Variants in MKI67 observed in about 807,000 individuals in gnomAD.
MKI67 encodes proliferation marker protein Ki-67.
MKI67 carries 152 observed loss-of-function variants against 233.5 expected under a neutral mutation model. The ratio of observed to expected loss-of-function variants is 0.65; its 90% CI spans 0.57 to 0.74. MKI67 has a LOEUF of 0.74. Ranked by LOEUF, MKI67 falls within the 30% of genes least tolerant of loss-of-function variation. The probability of loss-of-function intolerance (pLI) is 0.00; values close to 1 mark genes in which losing one functional copy is unlikely to be tolerated. For synonymous variants in MKI67, 1,465 were observed against 1,418.5 expected (o/e 1.03, Z -0.74); for missense variants, 3,940 against 3,885.2 (o/e 1.01, Z -0.37).
Position 128,109,319 on chromosome 10 carries a change from C to A in MKI67, c.2521G>T (p.Val841Leu), listed in dbSNP as rs762194669. 4 of 1,614,144 alleles carry A rather than the reference C, an allele frequency of 2.5e-6. No individual in the cohort carries two copies. The East Asian group carries it at 8.9e-5, about 36-fold the overall frequency. ...RRQCIRENGN[V>L]AKTPRNTYKM... ...TAGGTGTTCCTGGGCGTTTTTGCTA[C>A]GTTTCCATTTTCTCTAATACACTGC... The change falls in exon 13 of 15, where the codon GTA (valine) becomes TTA (leucine). Residue 841 changes from valine to leucine, a missense_variant. By Grantham distance (32) the Val-to-Leu change is conservative (BLOSUM62 1). Transcript: ENST00000368654.
Position 128,107,329 on chromosome 10 carries a change from G to A in MKI67, c.4511C>T (p.Pro1504Leu). ...CRSQPDPVDT[P>L]TSSKPQSKRS... ...CTTGGACTGTGGCTTGGAGCTTGTT[G>A]GTGTGTCCACTGGGTCTGGTTGTGA... The change falls in exon 13 of 15, where the codon CCA becomes CTA. Residue 1504 changes from proline (P) to leucine (L), a missense_variant. Physicochemically the swap from Pro to Leu is moderately conservative, Grantham distance 98. Coordinates refer to ENST00000368654, the MANE Select transcript of MKI67 (RefSeq NM_002417.5). 1.2e-6 allele frequency: 2 copies of A among 1,613,990 alleles called. No individual in the cohort carries two copies. The highest frequency in any genetic ancestry group is 1.7e-6 in the Non-Finnish European group (2 of 1,180,018).
rs746492931 is a variant in MKI67, at chr10:128,101,577, G to T, written c.9386C>A (p.Pro3129Gln). The change falls in exon 14 of 15, where the codon CCA becomes CAA. Residue 3129 changes from proline (P) to glutamine (Q), a missense_variant. Coordinates refer to ENST00000368654, the MANE Select transcript of MKI67 (RefSeq NM_002417.5). ...ATCTGGATTCTGAATGTCCATCTCT[G>T]GGGAGGTCTTCATGGGCTTCTTTTC... ...RNEKKPMKTS[P>Q]EMDIQNPDDG... The T allele has an allele frequency of 1.2e-6, 2 of 1,614,162 alleles. No homozygotes were observed.
chr10:128,122,775 C>G (rs1852975270), intron 4 of MKI67, 106 bp downstream of exon 4: 1 of 556,746 alleles, frequency 1.8e-6, no homozygotes, highest in East Asian at 2.9e-5. Context: ...ACCTGAAATA[C>G]TTTGACATCC....
At chr10:128,113,739 G>T in intron 7 of MKI67, 137 bp from the exon 8 acceptor site, 2 of 752,200 alleles carry the variant, frequency 2.7e-6, no homozygotes, top group East Asian at 5.4e-5. Context: ...CTCTATTCTT[G>T]CAATCCTGGT....
chr10:128,101,570 C>T lies in MKI67; in HGVS notation c.9393G>A (p.Met3131Ile). ...EKKPMKTSPEMDIQNPDDGAR... is the reference protein window; with the variant it reads ...EKKPMKTSPEIDIQNPDDGAR... ...CTCCATCATCTGGATTCTGAATGTC[C>T]ATCTCTGGGGAGGTCTTCATGGGCT... The change falls in exon 14 of 15, where the codon ATG becomes ATA. Residue 3131 changes from methionine to isoleucine, a missense_variant. Coordinates refer to ENST00000368654, the MANE Select transcript of MKI67 (RefSeq NM_002417.5). 1 of 1,614,176 alleles carries T rather than the reference C, an allele frequency of 6.2e-7. No homozygotes were observed. Among genetic ancestry groups the T allele is most frequent in the Middle Eastern group, 1.6e-4 (1 of 6,062 alleles).
chr10:128,119,144 A>G, intron 5 of MKI67, 109 bp downstream of exon 5: 2 of 786,854 alleles, frequency 2.5e-6, no homozygotes, highest in Admixed American at 5.0e-5. Flanking sequence ...CTACTATAAC[A>G]GTAACCACCC....
chr10:128,116,142 G>T, intron 6 of MKI67, 135 bp from the exon 7 acceptor site: 1 of 991,690 alleles, frequency 1.0e-6, no homozygotes, highest in Non-Finnish European at 1.5e-6. Flanking sequence ...ATTATTTAAT[G>T]CCTAAAACTT....
At position 128,105,440 on chromosome 10, in the gene MKI67, G is replaced by A. The variant is rs1852460255; in HGVS notation, c.6400C>T (p.Leu2134Phe). 6.2e-7 allele frequency: 1 copy of A among 1,614,044 alleles called. No homozygotes were observed. Among genetic ancestry groups the A allele is most frequent in the Non-Finnish European group, 8.5e-7 (1 of 1,180,022 alleles). ...TGTGTGAGCTGCTTCAGGGCTGAGA[G>A]CTCTTCCACTATATCCCTTTTCCCC... ...PLGKRDIVEE[L>F]SALKQLTQTT... is the part of the protein sequence containing the mutation. The change falls in exon 13 of 15, where the codon CTC (leucine) becomes TTC (phenylalanine). Residue 2134 changes from leucine to phenylalanine, a missense_variant. Leu to Phe is a conservative substitution (Grantham distance 22). Transcript: ENST00000368654.
intron 2 of MKI67, among the ~76,000 whole-genome samples, chr10:128,123,918 T>C (rs529259451): frequency 1.1e-4 from 16 of 152,308 alleles, no homozygotes; most frequent in African/African-American, 3.6e-4. Flanking sequence ...GAAGAGTTTG[T>C]TAGTAGGTTC....
At position 128,115,709 on chromosome 10, in the gene MKI67, A is replaced by AT. The variant is rs749903408; in HGVS notation, c.698dup (p.Asn233LysfsTer2). On this transcript the variant is annotated frameshift_variant, in exon 7 of 15. Transcript: ENST00000368654. LOFTEE classifies it high-confidence loss of function. Reference sequence around the variant, plus strand: ...CATAAAGCTTCCAAAAGGGAGATTCATTTTTTTTGCTATTGTCAAGACATT... The same window carrying AT: ...CATAAAGCTTCCAAAAGGGAGATTCATTTTTTTTTGCTATTGTCAAGACATT... 29 of 1,611,240 alleles carry AT rather than the reference A, an allele frequency of 1.8e-5. No individual in the cohort carries two copies. The highest frequency in any genetic ancestry group is 2.0e-5 in the Non-Finnish European group (24 of 1,178,224).
chr10:128,121,601 A>AATAT (rs149395169), intron 4 of MKI67, among the ~76,000 whole-genome samples: 110,669 of 138,874 alleles, frequency 0.8, 44,257 homozygotes, highest in Admixed American at 0.83. Context: ...TGATATATAT[A>AATAT]ATAATTATAT....
Position 128,122,846 on chromosome 10 carries a change from G to T in MKI67, c.287+35C>A. 2.9e-6 allele frequency: 3 copies of T among 1,036,348 alleles called. No individual in the cohort carries two copies. The South Asian group carries it at 4.7e-5, about 16-fold the overall frequency. 64.2% of individuals were successfully genotyped at this position (1,036,348 alleles called of 1,614,324 possible). A position where few individuals can be genotyped will look rare whatever the true frequency, so the allele number is the denominator to read the frequency against. ...ACTAGTTTATGGTTAATCAGAAGAT[G>T]ACATTTACTGTTAGACCAATCAGCT... On this transcript the variant is annotated intron_variant, in intron 4 of 14. Coordinates refer to ENST00000368654, the MANE Select transcript of MKI67 (RefSeq NM_002417.5).
chr10:128,103,711 G>A lies in MKI67; in HGVS notation c.8129C>T (p.Pro2710Leu), dbSNP rs540401023. The A allele has an allele frequency of 2.5e-6, 4 of 1,614,068 alleles. No individual in the cohort carries two copies. Among genetic ancestry groups the A allele is most frequent in the South Asian group, 1.1e-5 (1 of 91,076 alleles). The change falls in exon 13 of 15, where the codon CCA becomes CTA. Residue 2710 changes from proline to leucine, a missense_variant. By Grantham distance (98) the Pro-to-Leu change is moderately conservative (BLOSUM62 -3). Coordinates refer to ENST00000368654, the MANE Select transcript of MKI67 (RefSeq NM_002417.5). ...TGCTGTGGTGTCTACCACTTCTAGT[G>A]GGGGAGATTCGCAGGGTATTTTAGT... Reference protein sequence around the residue: ...KATKIPCESPPLEVVDTTAST... With the variant: ...KATKIPCESPLLEVVDTTAST...
In MKI67 at chr10:128,103,785, G is replaced by A; in HGVS notation, c.8055C>T (p.Leu2685=). ...CCTGAGTGTGACCTGATGTTTCAGA[G>A]AGCTCTGTGAAGCCGGCCAGGTCTT... ...PLEDLAGFTE[L]SETSGHTQES... Residue 2685 remains leucine, a synonymous_variant, in exon 13 of 15, where the codon CTC becomes CTT. Transcript: ENST00000368654. The A allele has an allele frequency of 6.2e-7, 1 of 1,613,306 alleles. No individual in the cohort carries two copies.
intron 2 of MKI67, among the ~76,000 whole-genome samples, chr10:128,124,318 T>G (rs1478229589): frequency 6.6e-6 from 1 of 152,220 alleles, no homozygotes; most frequent in African/African-American, 2.4e-5. Flanking sequence ...CGACTATAGA[T>G]GGGTGTTTCT....
intron 6 of MKI67, 41 bp downstream of exon 6, chr10:128,116,450 G>A: frequency 1.3e-6 from 2 of 1,581,016 alleles, no homozygotes; most frequent in Non-Finnish European, 1.7e-6. Flanking sequence ...GCAAAGACCT[G>A]ATCTTTCAGG....
chr10:128,099,134 A>G lies in MKI67; in HGVS notation c.*56T>C. ...ACTTGTAATTTATGACAAAAACTGC[A>G]CTAGAACTTATCACAAAACTAACTT... On this transcript the variant is annotated 3_prime_UTR_variant, in exon 15 of 15. Coordinates refer to ENST00000368654, the MANE Select transcript of MKI67 (RefSeq NM_002417.5). 2.2e-6 allele frequency: 3 copies of G among 1,365,474 alleles called. No homozygotes were observed. The highest frequency in any genetic ancestry group is 4.6e-5 in the East Asian group (2 of 43,262). 84.6% of individuals were successfully genotyped at this position (1,365,474 alleles called of 1,614,324 possible).
chr10:128,099,680 T>C (rs1236725001), intron 14 of MKI67, among the ~76,000 whole-genome samples: 3 of 152,234 alleles, frequency 2.0e-5, no homozygotes, highest in African/African-American at 7.2e-5. Flanking sequence ...GAGACCTGCC[T>C]TGGCCTTTAC....
chr10:128,123,537 G>A (rs1456508196), intron 2 of MKI67, among the ~76,000 whole-genome samples: 1 of 152,184 alleles, frequency 6.6e-6, no homozygotes, highest in African/African-American at 2.4e-5. Context: ...TGTTTGTAAT[G>A]TTAAATATGT....
Sources: allele counts gnomAD v4.1 joint callset (sites outside exome capture counted in the v4.1 genomes callset), GRCh38; gene constraint gnomAD v4.1.1; transcripts MANE v1.5; gene names NCBI Gene and HGNC (gene_info 2026-07-23, HGNC 2026-07-21).